Variants in GALC observed in about 807,000 individuals in gnomAD.
GALC encodes galactosylceramidase.
A neutral mutation model predicts 91.8 loss-of-function variants in GALC; 77 were observed. The ratio of observed to expected loss-of-function variants is 0.84; its 90% CI spans 0.70 to 1.01. GALC has a LOEUF of 1.01. Ranked by LOEUF, GALC falls within the 50% of genes least tolerant of loss-of-function variation. The pLI is 0.00. For missense variants in GALC, 882 were observed against 855.9 expected (o/e 1.03, Z -0.38); for synonymous variants, 357 against 306.7 (o/e 1.16, Z -1.71).
chr14:87,956,691 T>C (rs1394313807), intron 10 of GALC, among the ~76,000 whole-genome samples: 1 of 151,940 alleles, frequency 6.6e-6, no homozygotes, highest in Non-Finnish European at 1.5e-5. Flanking sequence ...GTTGATTCCA[T>C]ATGTTTCAAT....
intron 14 of GALC, among the ~76,000 whole-genome samples, chr14:87,943,628 C>G: frequency 6.6e-6 from 1 of 151,964 alleles, no homozygotes; most frequent in Non-Finnish European, 1.5e-5. Flanking sequence ...AAATCTTATT[C>G]CAAAGATGCA....
At chr14:87,934,987 C>T (rs912303959) in intron 16 of GALC, 109 bp from the exon 17 acceptor site, 2 of 781,180 alleles carry the variant, frequency 2.6e-6, no homozygotes, top group Non-Finnish European at 4.4e-6. Context: ...GTACTACTCA[C>T]TCAAGACTTA....
intron 9 of GALC, among the ~76,000 whole-genome samples, chr14:87,965,269 T>C (rs2139995569): frequency 6.6e-6 from 1 of 152,194 alleles, no homozygotes; most frequent in Non-Finnish European, 1.5e-5. Flanking sequence ...AGCTCCTCCT[T>C]TTCCTCTCTC....
At position 87,933,968 on chromosome 14, in the gene GALC, C is replaced by T; in HGVS notation, c.*764G>A. ...GAGGAAACGACTACAACAGCATTGG[C>T]TATATCAGGTTTTCTTCCTTCTTCC... On this transcript the variant is annotated 3_prime_UTR_variant, in exon 17 of 17. Coordinates refer to ENST00000261304, the MANE Select transcript of GALC (RefSeq NM_000153.4). The T allele has an allele frequency of 6.5e-7, 1 of 1,532,964 alleles. No individual in the cohort carries two copies. 95.0% of individuals were successfully genotyped at this position (1,532,964 alleles called of 1,614,324 possible).
At chr14:87,986,749 C>A in intron 3 of GALC, 147 bp from the exon 4 acceptor site, 1 of 676,960 alleles carries the variant, frequency 1.5e-6, no homozygotes, top group African/African-American at 1.9e-5. Flanking sequence ...CATAATCTTA[C>A]ACAACTAAAG....
At chr14:87,992,901 G>T in intron 1 of GALC, 69 bp downstream of exon 1, 1 of 1,454,452 alleles carries the variant, frequency 6.9e-7, no homozygotes, top group South Asian at 1.4e-5. Flanking sequence ...CGCCGCGGGG[G>T]CTTGTGGGGC....
At chr14:87,955,113 A>G (rs573496516) in intron 10 of GALC, 16 of 1,350,340 alleles carry the variant, frequency 1.2e-5, no homozygotes, top group Non-Finnish European at 1.6e-5. Context: ...TTTTTGTGTT[A>G]GATGAAAGCA....
intron 10 of GALC, chr14:87,953,958 A>G: frequency 6.2e-7 from 1 of 1,609,546 alleles, no homozygotes; most frequent in African/African-American, 1.3e-5. Flanking sequence ...TCTGTAGAGG[A>G]CTGCAGCATT....
chr14:87,945,076 A>G (rs959422143), intron 14 of GALC, among the ~76,000 whole-genome samples: 9 of 151,892 alleles, frequency 5.9e-5, no homozygotes, highest in Non-Finnish European at 1.2e-4. Flanking sequence ...TAAATTCACT[A>G]GGCGACTAAA....
At chr14:87,993,249 A>T (rs886050870), upstream of GALC, 10 of 1,541,804 alleles carry the variant, frequency 6.5e-6, no homozygotes, top group Admixed American at 2.0e-5. Flanking sequence ...GCTGATGCTG[A>T]CGCCGCCGCC....
At chr14:87,950,896 T>A (rs913077002) in intron 10 of GALC, 148 bp from the exon 11 acceptor site, 1 of 604,554 alleles carries the variant, frequency 1.7e-6, no homozygotes. Context: ...TAAAGACTTT[T>A]TTACAATATA....
chr14:87,977,285 T>C (rs984828497), intron 6 of GALC, among the ~76,000 whole-genome samples: 4 of 152,068 alleles, frequency 2.6e-5, no homozygotes, highest in African/African-American at 9.7e-5. Flanking sequence ...CCACAAAAAT[T>C]AAAAGTAACA....
chr14:87,937,807 A>G (rs948244811), intron 16 of GALC, among the ~76,000 whole-genome samples: 5 of 152,014 alleles, frequency 3.3e-5, no homozygotes, highest in East Asian at 1.9e-4. Flanking sequence ...AATTACTAAA[A>G]CAAACCTAAT....
chr14:87,982,163 A>G (rs1241123257), intron 6 of GALC, 42 bp downstream of exon 6: 2 of 1,079,626 alleles, frequency 1.9e-6, no homozygotes, highest in East Asian at 4.8e-5. Context: ...GGAATTATTC[A>G]CTAAAAAGTT....
chr14:87,976,253 A>C (rs1341979397), intron 7 of GALC, 105 bp downstream of exon 7: 1 of 1,208,658 alleles, frequency 8.3e-7, no homozygotes, highest in Admixed American at 1.7e-5. Flanking sequence ...CAGGAGAGCT[A>C]CCTTCTGAGA....
intron 10 of GALC, among the ~76,000 whole-genome samples, chr14:87,960,732 T>C (rs1010366667): frequency 6.6e-6 from 1 of 152,036 alleles, no homozygotes; most frequent in Non-Finnish European, 1.5e-5. Context: ...GAAAAAGGAA[T>C]AGTCTTTTCA....
chr14:87,943,923 G>C (rs1884964556), intron 14 of GALC, among the ~76,000 whole-genome samples: 3 of 151,958 alleles, frequency 2.0e-5, no homozygotes, highest in Non-Finnish European at 4.4e-5. Flanking sequence ...AACACAGGTA[G>C]CAGGACAGAG....
chr14:87,954,334 G>A, intron 10 of GALC: 2 of 1,600,392 alleles, frequency 1.2e-6, no homozygotes, highest in South Asian at 2.2e-5. Context: ...TACAGTTATA[G>A]AGGACAGAAG....
intron 6 of GALC, among the ~76,000 whole-genome samples, chr14:87,980,078 A>T (rs768022185): frequency 6.6e-6 from 1 of 152,018 alleles, no homozygotes; most frequent in Non-Finnish European, 1.5e-5. Flanking sequence ...ACAACTACAG[A>T]TTAATTAAAA....
Sources: allele counts gnomAD v4.1 joint callset (sites outside exome capture counted in the v4.1 genomes callset), GRCh38; gene constraint gnomAD v4.1.1; transcripts MANE v1.5; gene names NCBI Gene and HGNC (gene_info 2026-07-23, HGNC 2026-07-21).